The following TFDP2 variants were observed in gnomAD, a reference collection of about 807,000 sequenced individuals.
TFDP2 encodes the protein transcription factor Dp-2 (E2F dimerization partner 2).
In TFDP2, 17 loss-of-function variants were observed where a neutral mutation model predicts 59.3. The ratio of observed to expected loss-of-function variants is 0.29; its 90% CI spans 0.20 to 0.43. The LOEUF (loss-of-function observed/expected upper bound fraction) is 0.43. TFDP2 is among the 20% of genes least tolerant of loss of function. TFDP2 has a pLI of 1.00. For synonymous variants in TFDP2, 180 were observed against 194.7 expected (o/e 0.92, Z 0.63); for missense variants, 391 against 528.8 (o/e 0.74, Z 2.56).
intron 3 of TFDP2, among the ~76,000 whole-genome samples, chr3:142,086,332 G>A (rs1016669615): frequency 2.6e-5 from 4 of 152,114 alleles, no homozygotes; most frequent in Admixed American, 2.0e-4. Flanking sequence ...CACTGGTTAA[G>A]GGCTCAGAGC....
At chr3:142,025,733 C>A in intron 3 of TFDP2, among the ~76,000 whole-genome samples, 1 of 152,172 alleles carries the variant, frequency 6.6e-6, no homozygotes, top group East Asian at 1.9e-4. Flanking sequence ...TTACATGTTG[C>A]TATTCCTTAA....
intron 3 of TFDP2, among the ~76,000 whole-genome samples, chr3:142,079,364 TG>T (rs1435623200): frequency 1.3e-5 from 2 of 151,840 alleles, no homozygotes; most frequent in African/African-American, 2.4e-5. Flanking sequence ...TAAAAAAGAA[TG>T]AAGCACACCT....
At chr3:141,967,067 C>T (rs1166566720) in intron 9 of TFDP2, among the ~76,000 whole-genome samples, 1 of 151,804 alleles carries the variant, frequency 6.6e-6, no homozygotes, top group African/African-American at 2.4e-5. Context: ...CAGGTGTGCA[C>T]CACCATGCCT....
intron 3 of TFDP2, among the ~76,000 whole-genome samples, chr3:142,049,661 ATTTG>A (rs1039725214): frequency 3.3e-5 from 5 of 152,184 alleles, no homozygotes; most frequent in African/African-American, 9.6e-5. Context: ...AATACGTAAA[ATTTG>A]TTTGTACATA....
Position 142,080,492 on chromosome 3 carries a change from G to A in TFDP2, c.82+12569C>T, listed in dbSNP as rs186300964. ...ACAATAAAATGGCGGGAGTAAGTCC[G>A]ACTTATCAACAATAACATCGAATGA... On this transcript the variant is annotated intron_variant, in intron 3 of 12. Coordinates refer to ENST00000489671, the MANE Select transcript of TFDP2 (RefSeq NM_001178139.2). Among the ~76,000 whole-genome samples the A allele has an allele frequency of 2.8e-4, 42 of 152,164 alleles. No individual in the cohort carries two copies. In the East Asian group the frequency reaches 5.8e-3, roughly 21 times the overall value.
intron 3 of TFDP2, among the ~76,000 whole-genome samples, chr3:142,038,766 A>C (rs1418283790): frequency 6.6e-6 from 1 of 152,186 alleles, no homozygotes; most frequent in Non-Finnish European, 1.5e-5. Context: ...CACACCATAC[A>C]TGTTAGTTTA....
At chr3:142,000,288 GC>G (rs1160296661) in intron 4 of TFDP2, 21 of 702,742 alleles carry the variant, frequency 3.0e-5, no homozygotes, top group African/African-American at 7.0e-5. Context: ...AAATGAAAGT[GC>G]CGGCAGATTC....
chr3:142,002,753 G>C (rs1943904439), intron 4 of TFDP2, among the ~76,000 whole-genome samples: 1 of 152,088 alleles, frequency 6.6e-6, no homozygotes, highest in African/African-American at 2.4e-5. Flanking sequence ...CACTTCTACA[G>C]TTTTAGGTGT....
At chr3:142,038,010 T>C (rs571102861) in intron 3 of TFDP2, among the ~76,000 whole-genome samples, 1 of 152,252 alleles carries the variant, frequency 6.6e-6, no homozygotes, top group East Asian at 1.9e-4. Flanking sequence ...GAATATAAAT[T>C]ATTTTAAGGG....
At chr3:141,964,558 G>A (rs1406247899) in intron 9 of TFDP2, among the ~76,000 whole-genome samples, 1 of 152,140 alleles carries the variant, frequency 6.6e-6, no homozygotes, top group Non-Finnish European at 1.5e-5. Context: ...AGGCTGAGGT[G>A]GGAGGATTGT....
intron 6 of TFDP2, among the ~76,000 whole-genome samples, chr3:141,988,181 A>G (rs1479001101): frequency 6.6e-6 from 1 of 152,074 alleles, no homozygotes; most frequent in Non-Finnish European, 1.5e-5. Context: ...CTTGGGCGCA[A>G]GAGAATCGCC....
intron 10 of TFDP2, among the ~76,000 whole-genome samples, chr3:141,961,247 T>G (rs866263202): frequency 3.5e-5 from 5 of 142,920 alleles, no homozygotes; most frequent in South Asian, 4.7e-4. Context: ...GTTTTTTTTT[T>G]TTTTTTTTTT....
At chr3:141,959,977 A>G in intron 10 of TFDP2, 137 bp from the exon 11 acceptor site, 1 of 740,934 alleles carries the variant, frequency 1.3e-6, no homozygotes, top group Non-Finnish European at 2.1e-6. Flanking sequence ...TTAGAGAGCC[A>G]TGAGTCATTC....
chr3:141,979,868 C>G lies in TFDP2; in HGVS notation c.357-1186G>C, dbSNP rs1402185071. ...CCTCCCAAAGTGCTGGGATTACAGG[C>G]GTGAGCCACTGCGCCTGGCCCTCTG... On this transcript the variant is annotated intron_variant, in intron 6 of 12. Coordinates refer to ENST00000489671, the MANE Select transcript of TFDP2 (RefSeq NM_001178139.2). Among the ~76,000 whole-genome samples the G allele has an allele frequency of 2.0e-5, 3 of 151,228 alleles. No homozygotes were observed. In the East Asian group the frequency reaches 5.8e-4, roughly 29 times the overall value.
intron 1 of TFDP2, among the ~76,000 whole-genome samples, chr3:142,131,523 A>T (rs2062501366): frequency 6.7e-6 from 1 of 150,248 alleles, no homozygotes; most frequent in South Asian, 2.1e-4. Flanking sequence ...ATTATCTCCC[A>T]AACAATGTCA....
chr3:141,969,270 TGA>T (rs1205847033), intron 9 of TFDP2, among the ~76,000 whole-genome samples: 1 of 105,216 alleles, frequency 9.5e-6, no homozygotes, highest in Non-Finnish European at 1.9e-5. Context: ...CTCATATATA[TGA>T]GATATATATA....
chr3:142,124,656 T>C (rs2062171949), intron 1 of TFDP2, among the ~76,000 whole-genome samples: 1 of 152,164 alleles, frequency 6.6e-6, no homozygotes, highest in Non-Finnish European at 1.5e-5. Flanking sequence ...TGGAAGATCT[T>C]TCTAAATATG....
chr3:142,005,960 A>C (rs1043998942), intron 3 of TFDP2, among the ~76,000 whole-genome samples: 1 of 152,198 alleles, frequency 6.6e-6, no homozygotes, highest in Non-Finnish European at 1.5e-5. Flanking sequence ...TAACATGAAA[A>C]GTAAAATAAC....
In TFDP2 at chr3:142,078,289, T is replaced by C. The variant is rs116800064; in HGVS notation, c.82+14772A>G. On this transcript the variant is annotated intron_variant, in intron 3 of 12. Transcript: ENST00000489671. ...AGGGAAGAACACAAACCCAGCTGGC[T>C]TCATCACCTGCTGATTGTAAAGCCC... Among the ~76,000 whole-genome samples, 796 of 152,302 alleles carry C rather than the reference T, an allele frequency of 5.2e-3. 9 individuals are homozygous for C. The highest frequency in any genetic ancestry group is 0.018 in the African/African-American group (750 of 41,562).
Sources: gnomAD v4.1 joint callset for allele counts (sites outside exome capture counted in the v4.1 genomes callset) on GRCh38, gnomAD v4.1.1 for gene constraint, MANE v1.5 for transcripts, NCBI Gene and HGNC (gene_info 2026-07-23, HGNC 2026-07-21) for gene names.